Variants in SUMF1 observed in about 807,000 individuals in gnomAD.
SUMF1 encodes sulfatase modifying factor 1, also known as formylglycine-generating enzyme.
A neutral mutation model predicts 47.6 loss-of-function variants in SUMF1; 48 were observed. The ratio of observed to expected loss-of-function variants is 1.01; its 90% confidence interval spans 0.80 to 1.28. The LOEUF (loss-of-function observed/expected upper bound fraction) is 1.28, where lower values mean the gene tolerates loss of function less well. Ranked by LOEUF, SUMF1 falls within the 50% of genes most tolerant of loss-of-function variation. SUMF1 has a pLI of 0.00. For missense variants in SUMF1, 571 were observed against 485.4 expected, an observed-to-expected ratio of 1.18 and a Z score of -1.66; for synonymous variants, 230 against 192.1, an observed-to-expected ratio of 1.20 and a Z score of -1.63.
At position 4,069,688 on chromosome 3, in the gene SUMF1, C is replaced by A. The variant is rs562795321; in HGVS notation, c.1015-943G>T. ...TGGCCCAAATTCCTACCTAAGGGGT[C>A]TAGGGGGTCATGCTCTATAAACCAT... On this transcript the variant is annotated intron_variant and NMD_transcript_variant, in intron 8 of 12. Transcript: ENST00000448413. 1.2e-4 allele frequency among the ~76,000 whole-genome samples: 18 copies of A among 152,208 alleles called. No homozygotes were observed. In the South Asian group the frequency reaches 3.7e-3, roughly 32 times the overall value.
chr3:4,414,601 A>T (rs527953975), intron 6 of SUMF1: 9 of 152,298 alleles, frequency 5.9e-5, no homozygotes, highest in African/African-American at 1.9e-4. Flanking sequence ...CTGTTTGTCA[A>T]ATTGGTTCCT....
intron 3 of SUMF1, among the ~76,000 whole-genome samples, chr3:4,426,552 G>C (rs563894677): frequency 6.6e-6 from 1 of 152,120 alleles, no homozygotes; most frequent in African/African-American, 2.4e-5. Context: ...TATTCTACTA[G>C]GTTTAGGAAC....
At chr3:4,325,528 TG>T (rs1011461670) in intron 8 of SUMF1, among the ~76,000 whole-genome samples, 1 of 150,604 alleles carries the variant, frequency 6.6e-6, no homozygotes, top group Non-Finnish European at 1.5e-5. Flanking sequence ...TATATGTATG[TG>T]TGTGTGTGTG....
At chr3:4,178,704 G>A (rs545045681) in intron 8 of SUMF1, among the ~76,000 whole-genome samples, 7 of 152,270 alleles carry the variant, frequency 4.6e-5, no homozygotes, top group African/African-American at 1.4e-4. Context: ...AATCAGGCAA[G>A]AGAAAGAAAT....
At chr3:4,412,652 G>A (rs1701581185) in intron 6 of SUMF1, among the ~76,000 whole-genome samples, 1 of 152,188 alleles carries the variant, frequency 6.6e-6, no homozygotes, top group African/African-American at 2.4e-5. Context: ...GGGAGGCCAA[G>A]GTGAGCAGAT....
At chr3:4,065,802 A>T (rs1276882666) in intron 9 of SUMF1, among the ~76,000 whole-genome samples, 3 of 152,146 alleles carry the variant, frequency 2.0e-5, no homozygotes, top group Non-Finnish European at 1.5e-5. Context: ...TCCAACAAGG[A>T]TTGCTATAGT....
At chr3:4,253,187 A>C (rs1025414301) in intron 8 of SUMF1, among the ~76,000 whole-genome samples, 1 of 152,230 alleles carries the variant, frequency 6.6e-6, no homozygotes, top group Non-Finnish European at 1.5e-5. Flanking sequence ...CCTCTCAAGA[A>C]GGGATCATAA....
intron 8 of SUMF1, among the ~76,000 whole-genome samples, chr3:4,119,280 C>T (rs1693487068): frequency 1.3e-5 from 2 of 152,146 alleles, no homozygotes; most frequent in African/African-American, 4.8e-5. Flanking sequence ...CTCTGCATTA[C>T]TGCCTGTTAT....
intron 8 of SUMF1, among the ~76,000 whole-genome samples, chr3:4,102,821 GAAGA>G (rs1441206952): frequency 6.6e-6 from 1 of 151,802 alleles, no homozygotes; most frequent in East Asian, 1.9e-4. Flanking sequence ...GGGAAGAAGA[GAAGA>G]AAGAGAAATA....
At position 4,150,814 on chromosome 3, in the gene SUMF1, G is replaced by A. The variant is rs73116500; in HGVS notation, c.1015-82069C>T. Among the ~76,000 whole-genome samples, 1,341 of 151,514 alleles carry A rather than the reference G, an allele frequency of 8.9e-3. 73 individuals carry two copies. Among genetic ancestry groups the A allele is most frequent in the African/African-American group, 0.032 (1,289 of 40,860 alleles). On this transcript the variant is annotated intron_variant and NMD_transcript_variant, in intron 8 of 12. Coordinates refer to the SUMF1 transcript ENST00000448413. ...AGTATATTGCTGCCCCAGACAAAAA[G>A]AGCTCCATCTCTTCTGTTCTTAGGA...
chr3:4,318,065 A>G (rs1290477332), intron 8 of SUMF1, among the ~76,000 whole-genome samples: 1 of 152,168 alleles, frequency 6.6e-6, no homozygotes, highest in African/African-American at 2.4e-5. Context: ...ATACATACAC[A>G]CACACACGAG....
At chr3:4,435,458 G>T (rs1010477858) in intron 3 of SUMF1, among the ~76,000 whole-genome samples, 2 of 152,086 alleles carry the variant, frequency 1.3e-5, no homozygotes, top group African/African-American at 4.8e-5. Context: ...CCCAAAAAGA[G>T]AGGAGAGATT....
At chr3:4,432,106 A>G (rs1189612514) in intron 3 of SUMF1, among the ~76,000 whole-genome samples, 1 of 151,948 alleles carries the variant, frequency 6.6e-6, no homozygotes, top group Non-Finnish European at 1.5e-5. Context: ...TTTTTCCATC[A>G]TCTTTCAGAC....
chr3:4,307,286 A>G (rs1009503559), intron 8 of SUMF1, among the ~76,000 whole-genome samples: 2 of 152,202 alleles, frequency 1.3e-5, no homozygotes, highest in African/African-American at 4.8e-5. Flanking sequence ...GCAATCTGGC[A>G]ATCGAAAAAT....
chr3:4,143,015 G>C (rs918074197), intron 8 of SUMF1, among the ~76,000 whole-genome samples: 1 of 152,076 alleles, frequency 6.6e-6, no homozygotes, highest in Non-Finnish European at 1.5e-5. Flanking sequence ...CTCTGACAAA[G>C]TTTGGGACTC....
chr3:4,410,879 C>A lies in SUMF1; in HGVS notation c.940G>T (p.Glu314Ter). 1.2e-6 allele frequency: 2 copies of A among 1,613,932 alleles called. No individual in the cohort carries two copies. Among genetic ancestry groups the A allele is most frequent in the Non-Finnish European group, 1.7e-6 (2 of 1,179,822 alleles). Residue 314 changes from glutamate to a stop codon, truncating the protein, a stop_gained, in exon 7 of 9, where the codon GAA becomes TAA. Coordinates refer to ENST00000272902, the MANE Select transcript of SUMF1 (RefSeq NM_182760.4). LOFTEE classifies it high-confidence loss of function. ...DWWTVHHSVE[E>*]TLNPKGPPSG... is the part of the protein sequence containing the mutation. Reference sequence around the variant, plus strand: ...ATAATACTCACTGGGTTAAGCGTTTCTTCAACAGAATGATGAACAGTCCAC... The same window carrying A: ...ATAATACTCACTGGGTTAAGCGTTTATTCAACAGAATGATGAACAGTCCAC...
intron 5 of SUMF1, 52 bp downstream of exon 5, chr3:4,417,958 G>C: frequency 6.2e-7 from 1 of 1,612,804 alleles, no homozygotes; most frequent in Non-Finnish European, 8.5e-7. Context: ...GTTGTTGTTT[G>C]TTTGTTCAAA....
At chr3:4,182,031 G>A (rs1419267120) in intron 8 of SUMF1, among the ~76,000 whole-genome samples, 1 of 152,060 alleles carries the variant, frequency 6.6e-6, no homozygotes, top group Non-Finnish European at 1.5e-5. Context: ...TTGTAACTTC[G>A]AAATACAAGG....
chr3:4,328,838 C>T (rs1698995808), intron 8 of SUMF1, among the ~76,000 whole-genome samples: 1 of 152,100 alleles, frequency 6.6e-6, no homozygotes, highest in Non-Finnish European at 1.5e-5. Flanking sequence ...TCCCTTTCAC[C>T]TATGAGCCTG....
Sources: allele counts gnomAD v4.1 joint callset (sites outside exome capture counted in the v4.1 genomes callset), GRCh38; gene constraint gnomAD v4.1.1; transcripts MANE v1.5; gene names NCBI Gene and HGNC (gene_info 2026-07-23, HGNC 2026-07-21).